BEND3: variants seen among roughly 807,000 people sequenced by gnomAD.
BEND3 encodes BEN domain containing 3, also known as BEN domain-containing protein 3.
A neutral mutation model predicts 60.1 loss-of-function variants in BEND3; 13 were observed. That is an observed-to-expected ratio of 0.22 (90% CI 0.14 to 0.34). The LOEUF (loss-of-function observed/expected upper bound fraction) is 0.34. Ranked by LOEUF, BEND3 falls within the 10% of genes least tolerant of loss-of-function variation. BEND3 has a pLI of 1.00. For synonymous variants in BEND3, 497 were observed against 491.5 expected (o/e 1.01, Z -0.15); for missense variants, 896 against 1,138.1 (o/e 0.79, Z 3.06).
chr6:107,088,906 C>T (rs1310851955), intron 3 of BEND3, among the ~76,000 whole-genome samples: 2 of 152,032 alleles, frequency 1.3e-5, no homozygotes, highest in African/African-American at 4.8e-5. Flanking sequence ...TATAATCTTA[C>T]CACTTACCAC....
At chr6:107,077,330 C>T (rs1775120915) in intron 3 of BEND3, among the ~76,000 whole-genome samples, 1 of 152,070 alleles carries the variant, frequency 6.6e-6, no homozygotes, top group Non-Finnish European at 1.5e-5. Flanking sequence ...CCTATGTTCA[C>T]AGGCGTGACC....
At chr6:107,100,997 T>C (rs1332290135) in intron 1 of BEND3, among the ~76,000 whole-genome samples, 1 of 151,996 alleles carries the variant, frequency 6.6e-6, no homozygotes, top group Non-Finnish European at 1.5e-5. Context: ...GGGTCAGAAG[T>C]TCAACACCAG....
At chr6:107,098,102 G>C (rs1056159138) in intron 3 of BEND3, among the ~76,000 whole-genome samples, 1 of 152,054 alleles carries the variant, frequency 6.6e-6, no homozygotes, top group South Asian at 2.1e-4. Flanking sequence ...TTGAGGCCAG[G>C]AGTTCAAGAC....
rs562238773 is a variant in BEND3 at position 107,074,109 on chromosome 6, C to T, written c.241-3159G>A. ...CACAGCACTGAGTCTATCTGAATCA[C>T]ACTAAGTGCTTAATAAATATTTATG... On this transcript the variant is annotated intron_variant, in intron 3 of 3. Coordinates refer to ENST00000369042, the MANE Select transcript of BEND3 (RefSeq NM_001367314.1). Among the ~76,000 whole-genome samples, 12 of 152,274 alleles carry T rather than the reference C, an allele frequency of 7.9e-5. No homozygotes were observed. In the South Asian group the frequency reaches 2.5e-3, roughly 32 times the overall value.
intron 1 of BEND3, among the ~76,000 whole-genome samples, chr6:107,102,798 C>G (rs1775728524): frequency 1.3e-5 from 2 of 152,196 alleles, no homozygotes; most frequent in South Asian, 4.1e-4. Flanking sequence ...CCACCAACTT[C>G]ACACCAGGCA....
intron 1 of BEND3, among the ~76,000 whole-genome samples, chr6:107,107,006 G>A (rs902642597): frequency 1.4e-5 from 2 of 147,740 alleles, no homozygotes; most frequent in Non-Finnish European, 3.0e-5. Context: ...GCACAATTTC[G>A]GCTCACTGCA....
intron 3 of BEND3, among the ~76,000 whole-genome samples, chr6:107,086,282 C>A (rs1387542074): frequency 6.6e-6 from 1 of 152,106 alleles, no homozygotes; most frequent in African/African-American, 2.4e-5. Context: ...AATGGAGGAA[C>A]TACAAAGTCC....
intron 1 of BEND3, among the ~76,000 whole-genome samples, chr6:107,105,429 AG>A (rs1326963102): frequency 1.3e-5 from 2 of 151,454 alleles, no homozygotes; most frequent in South Asian, 2.1e-4. Context: ...TCTTCTAAGC[AG>A]GGGGCGGTTG....
intron 1 of BEND3, among the ~76,000 whole-genome samples, chr6:107,108,100 C>T (rs73521749): frequency 0.26 from 40,088 of 152,100 alleles, 5,802 homozygotes; most frequent in Non-Finnish European, 0.32. Context: ...TGAAAAATAC[C>T]AGTCCTCACA....
chr6:107,077,853 T>C (rs1339705460), intron 3 of BEND3, among the ~76,000 whole-genome samples: 1 of 152,182 alleles, frequency 6.6e-6, no homozygotes, highest in African/African-American at 2.4e-5. Flanking sequence ...CAGGAGGTGT[T>C]CTGTGCATTT....
rs781995432 is a variant in BEND3, at chr6:107,068,819, T to C, written c.2372A>G (p.Glu791Gly). ...RHYVEAVYPVEKMEEVWHYEC... is the reference protein window; with the variant it reads ...RHYVEAVYPVGKMEEVWHYEC... ...GTAGTGCCACACCTCCTCCATCTTC[T>C]CCACCGGGTAGACGGCTTCCACGTA... The change falls in exon 4 of 4, where the codon GAG becomes GGG. Residue 791 changes from glutamate (E) to glycine (G), a missense_variant. Physicochemically the swap from Glu to Gly is moderately conservative, Grantham distance 98. Transcript: ENST00000369042. The surrounding 1 kb of genome is among the most constrained non-coding windows in gnomAD (Gnocchi z 5.8). The C allele has an allele frequency of 3.7e-6, 6 of 1,614,100 alleles. 1 individual carries two copies. The South Asian group carries it at 5.5e-5, about 15-fold the overall frequency.
chr6:107,101,197 G>A (rs1445748022), intron 1 of BEND3, among the ~76,000 whole-genome samples: 1 of 151,930 alleles, frequency 6.6e-6, no homozygotes, highest in African/African-American at 2.4e-5. Context: ...GTGAGACTCT[G>A]TCTCAAAAAA....
At chr6:107,071,976 A>G (rs1277521921) in intron 3 of BEND3, among the ~76,000 whole-genome samples, 1 of 152,236 alleles carries the variant, frequency 6.6e-6, no homozygotes, top group Non-Finnish European at 1.5e-5. Flanking sequence ...GTCAAAACGT[A>G]TCAAATTGTA....
Position 107,070,297 on chromosome 6 carries a change from C to T in BEND3, c.894G>A (p.Lys298=). Residue 298 remains lysine, a synonymous_variant, in exon 4 of 4, where the codon AAG becomes AAA. Coordinates refer to ENST00000369042, the MANE Select transcript of BEND3 (RefSeq NM_001367314.1). The surrounding 1 kb of genome is among the most constrained non-coding windows in gnomAD (Gnocchi z 6.9). ...TGAGCTGCAGGTGCAGCGACTCCAG[C>T]TTGCGCTTGGCCGCAAAGCCACAGG... ...CSACGFAAKR[K]LESLHLQLIR... 6.2e-7 allele frequency: 1 copy of T among 1,613,116 alleles called. No homozygotes were observed.
chr6:107,104,150 C>T (rs1389088445), intron 1 of BEND3, among the ~76,000 whole-genome samples: 3 of 151,674 alleles, frequency 2.0e-5, no homozygotes, highest in Non-Finnish European at 2.9e-5. Flanking sequence ...ATTAGCCAGG[C>T]GTGGTGGCGG....
chr6:107,100,029 C>G (rs561660734), intron 1 of BEND3, among the ~76,000 whole-genome samples: 104 of 152,078 alleles, frequency 6.8e-4, no homozygotes, highest in African/African-American at 2.3e-3. Context: ...CATGCCGCCA[C>G]CCACAGCTAA....
chr6:107,091,646 T>C (rs1379767729), intron 3 of BEND3, among the ~76,000 whole-genome samples: 1 of 152,124 alleles, frequency 6.6e-6, no homozygotes, highest in Admixed American at 6.6e-5. Flanking sequence ...ATTAAAGAAA[T>C]TGAATCAGTA....
intron 1 of BEND3, chr6:107,114,409 G>A (rs979895192): frequency 4.6e-5 from 7 of 151,942 alleles, no homozygotes; most frequent in African/African-American, 1.7e-4. Flanking sequence ...AGGGAGCGCT[G>A]CGCCCCCTGG....
chr6:107,112,868 A>G (rs182707787), intron 1 of BEND3, among the ~76,000 whole-genome samples: 3 of 151,696 alleles, frequency 2.0e-5, no homozygotes, highest in Non-Finnish European at 2.9e-5. Context: ...AAAAAAAAAA[A>G]AAAAGAAAGG....
Sources: gnomAD v4.1 joint callset for allele counts (sites outside exome capture counted in the v4.1 genomes callset) on GRCh38, gnomAD v4.1.1 for gene constraint, Gnocchi (gnomAD v3.1) non-coding constraint, MANE v1.5 for transcripts, NCBI Gene and HGNC (gene_info 2026-07-23, HGNC 2026-07-21) for gene names.